Variants in CCDC33 observed in about 807,000 individuals in gnomAD.
The protein encoded by CCDC33 is coiled-coil domain containing 33, also known as coiled-coil domain-containing protein 33.
In CCDC33, 94 loss-of-function variants were observed where a neutral mutation model predicts 91.9. That is an observed-to-expected ratio of 1.02 (90% CI 0.87 to 1.21). The LOEUF (loss-of-function observed/expected upper bound fraction) is 1.21. CCDC33 is among the 50% of genes most tolerant of loss of function. The pLI is 0.00. For missense variants in CCDC33, 940 were observed against 935.5 expected, an observed-to-expected ratio of 1.00 and a Z score of -0.06; for synonymous variants, 396 against 374.5, an observed-to-expected ratio of 1.06 and a Z score of -0.66.
At chr15:74,230,447 C>T (rs1476329047) in intron 2 of CCDC33, among the ~76,000 whole-genome samples, 1 of 152,090 alleles carries the variant, frequency 6.6e-6, no homozygotes, top group East Asian at 1.9e-4. Flanking sequence ...ATTGATTTTT[C>T]AAAAGAAAAA....
intron 10 of CCDC33, among the ~76,000 whole-genome samples, chr15:74,289,286 T>A (rs189654485): frequency 6.6e-6 from 1 of 152,278 alleles, no homozygotes; most frequent in East Asian, 1.9e-4. Flanking sequence ...CTTGCTGAAG[T>A]CCTCAATGTA....
chr15:74,292,318 C>G (rs2142572502), intron 10 of CCDC33, among the ~76,000 whole-genome samples: 1 of 152,354 alleles, frequency 6.6e-6, no homozygotes, highest in African/African-American at 2.4e-5. Context: ...TTTCTATGGT[C>G]TCGAGCAGCC....
chr15:74,333,382 G>A, intron 16 of CCDC33: 7 of 1,326,578 alleles, frequency 5.3e-6, no homozygotes, highest in Non-Finnish European at 7.4e-6. Flanking sequence ...GATGCTTCAG[G>A]GGCCCCTTGC....
chr15:74,268,494 G>GT, intron 5 of CCDC33, 36 bp downstream of exon 5: 2 of 1,449,962 alleles, frequency 1.4e-6, no homozygotes, highest in Non-Finnish European at 1.9e-6. Context: ...TGGTGGTGGG[G>GT]GTGGGAAAGG....
chr15:74,261,874 C>G (rs2076033477), intron 2 of CCDC33, among the ~76,000 whole-genome samples: 1 of 152,222 alleles, frequency 6.6e-6, no homozygotes, highest in Admixed American at 6.5e-5. Flanking sequence ...GGGCCCAGCC[C>G]AAGGCCCTGC....
chr15:74,297,550 T>C (rs956077505), intron 11 of CCDC33, among the ~76,000 whole-genome samples: 1 of 152,110 alleles, frequency 6.6e-6, no homozygotes, highest in African/African-American at 2.4e-5. Context: ...AAAAATTAGC[T>C]GGACTTGTTG....
intron 6 of CCDC33, 105 bp from the exon 7 acceptor site, chr15:74,272,666 C>A: frequency 1.4e-6 from 2 of 1,469,118 alleles, no homozygotes; most frequent in South Asian, 1.3e-5. Flanking sequence ...GGGATCCCTG[C>A]AACTCCCTTC....
At chr15:74,217,681 T>G (rs921394305) in intron 1 of CCDC33, 2 of 974,004 alleles carry the variant, frequency 2.1e-6, no homozygotes, top group Non-Finnish European at 2.7e-6. Flanking sequence ...ACTGGGAGGG[T>G]GGGGTCAGAG....
intron 15 of CCDC33, 62 bp downstream of exon 15, chr15:74,331,358 C>T: frequency 1.3e-6 from 2 of 1,538,224 alleles, no homozygotes; most frequent in Non-Finnish European, 1.8e-6. Flanking sequence ...GAGGCCCTGC[C>T]TTCCTGGAGC....
chr15:74,223,401 C>T (rs1005091442), intron 2 of CCDC33, among the ~76,000 whole-genome samples: 2 of 152,132 alleles, frequency 1.3e-5, no homozygotes, highest in African/African-American at 4.8e-5. Flanking sequence ...CTGGGGTTCC[C>T]CCTCCTCCTC....
At chr15:74,289,105 C>T (rs922679040) in intron 10 of CCDC33, among the ~76,000 whole-genome samples, 4 of 152,166 alleles carry the variant, frequency 2.6e-5, no homozygotes, top group Admixed American at 1.3e-4. Context: ...ACCCATCACT[C>T]GGTGCCCGCC....
Position 74,304,943 on chromosome 15 carries a change from C to T in CCDC33, c.1290+8995C>T, listed in dbSNP as rs977931211. 4.0e-5 allele frequency among the ~76,000 whole-genome samples: 5 copies of T among 125,196 alleles called. 1 individual carries two copies. The South Asian group carries it at 1.2e-3, about 31-fold the overall frequency. The allele number at this position is 125,196 out of a possible 152,430, so 82.1% of individuals were successfully genotyped here. On this transcript the variant is annotated intron_variant, in intron 11 of 18. Coordinates refer to ENST00000398814, the MANE Select transcript of CCDC33 (RefSeq NM_025055.5). ...GGGCCTGAACCTGCTTCTGCTTCTT[C>T]TTCTTCTTTTTTTTTTTTTAGACAG...
At chr15:74,309,773 C>G (rs1335086482) in intron 11 of CCDC33, among the ~76,000 whole-genome samples, 1 of 152,142 alleles carries the variant, frequency 6.6e-6, no homozygotes, top group African/African-American at 2.4e-5. Flanking sequence ...GGATCTGTGC[C>G]CCACCCGTTC....
intron 11 of CCDC33, among the ~76,000 whole-genome samples, chr15:74,310,659 A>G (rs2142740475): frequency 6.6e-6 from 1 of 152,228 alleles, no homozygotes; most frequent in South Asian, 2.1e-4. Context: ...TGCTGCCCCC[A>G]GGAAGCCCCC....
chr15:74,304,210 G>T (rs2059849022), intron 11 of CCDC33: 1 of 152,170 alleles, frequency 6.6e-6, no homozygotes, highest in Non-Finnish European at 1.5e-5. Context: ...TGAGACTATG[G>T]GGAGGATTAA....
intron 18 of CCDC33, chr15:74,335,404 A>G (rs1195575335): frequency 3.5e-6 from 2 of 578,990 alleles, no homozygotes; most frequent in Admixed American, 3.0e-5. Flanking sequence ...ACTGTGCTTT[A>G]GGACTGGCTG....
rs2059474206 is a variant in CCDC33, at chr15:74,286,338, C to T, written c.1095+4489C>T. ...GAAACCTTTGGTCTCCTCCATTCCTCCTCTGATCTCAGCCTCTTCTCTTTG... is the reference window on the plus strand; with the variant it reads ...GAAACCTTTGGTCTCCTCCATTCCTTCTCTGATCTCAGCCTCTTCTCTTTG... On this transcript the variant is annotated intron_variant, in intron 10 of 18. Transcript: ENST00000398814. 2.0e-5 allele frequency among the ~76,000 whole-genome samples: 3 copies of T among 152,176 alleles called. No homozygotes were observed. In the South Asian group the frequency reaches 6.2e-4, roughly 32 times the overall value.
At chr15:74,286,439 C>T (rs12591873) in intron 10 of CCDC33, among the ~76,000 whole-genome samples, 2,245 of 152,130 alleles carry the variant, frequency 0.015, 44 homozygotes, top group East Asian at 0.085. Context: ...GAACTGGTTT[C>T]GAGATCCCAC....
intron 3 of CCDC33, among the ~76,000 whole-genome samples, chr15:74,265,752 G>T (rs193186900): frequency 1.6e-3 from 242 of 152,348 alleles, no homozygotes; most frequent in African/African-American, 5.7e-3. Context: ...GGCCGGGTGC[G>T]GTGGCCCATG....
Sources: gnomAD v4.1 joint callset for allele counts (sites outside exome capture counted in the v4.1 genomes callset) on GRCh38, gnomAD v4.1.1 for gene constraint, MANE v1.5 for transcripts, NCBI Gene and HGNC (gene_info 2026-07-23, HGNC 2026-07-21) for gene names.